TBC1D1: variants seen among roughly 807,000 people sequenced by gnomAD.
TBC1D1 encodes the protein TBC1 (tre-2/USP6, BUB2, cdc16) domain family, member 1.
Under a neutral mutation model 125.6 loss-of-function variants are expected in TBC1D1, and 89 were observed. The ratio of observed to expected loss-of-function variants is 0.71; its 90% confidence interval spans 0.60 to 0.85. The LOEUF (loss-of-function observed/expected upper bound fraction) is 0.85, where lower values mean the gene tolerates loss of function less well. TBC1D1 is among the 40% of genes least tolerant of loss of function. The pLI is 0.00. For synonymous variants in TBC1D1, 565 were observed against 564.1 expected (o/e 1.00, Z -0.02); for missense variants, 1,377 against 1,469.2 (o/e 0.94, Z 1.03).
At chr4:38,118,708 G>A (rs184769363) in intron 17 of TBC1D1, 1 of 152,916 alleles carries the variant, frequency 6.5e-6, no homozygotes, top group African/African-American at 2.4e-5. Context: ...ACCTCCGTGT[G>A]GATGGCTCGC....
chr4:38,047,091 C>T (rs1749636390), intron 10 of TBC1D1, among the ~76,000 whole-genome samples: 2 of 152,334 alleles, frequency 1.3e-5, no homozygotes, highest in South Asian at 4.1e-4. Context: ...ACAATATTTA[C>T]TGTGAACAAC....
chr4:38,107,342 G>A (rs997525683), intron 15 of TBC1D1, among the ~76,000 whole-genome samples: 2 of 152,212 alleles, frequency 1.3e-5, no homozygotes, highest in African/African-American at 4.8e-5. Context: ...CTGTGGCCAA[G>A]TCAGTTGTTT....
intron 8 of TBC1D1, among the ~76,000 whole-genome samples, chr4:38,043,922 C>G (rs1010917515): frequency 1.3e-5 from 2 of 152,196 alleles, no homozygotes; most frequent in Non-Finnish European, 2.9e-5. Flanking sequence ...ATGATAGCTA[C>G]CTTTCTACCA....
chr4:38,038,623 C>T (rs1747672730), intron 8 of TBC1D1, among the ~76,000 whole-genome samples: 1 of 152,170 alleles, frequency 6.6e-6, no homozygotes, highest in Admixed American at 6.5e-5. Context: ...CTGCTACATT[C>T]AGGTAGCTCA....
chr4:37,994,788 G>T (rs1304225155), intron 2 of TBC1D1, among the ~76,000 whole-genome samples: 1 of 152,152 alleles, frequency 6.6e-6, no homozygotes, highest in African/African-American at 2.4e-5. Context: ...TTCTCCTAAT[G>T]CCCTAGGCTT....
At chr4:38,030,786 A>G (rs1745973633) in intron 7 of TBC1D1, among the ~76,000 whole-genome samples, 1 of 152,232 alleles carries the variant, frequency 6.6e-6, no homozygotes, top group Non-Finnish European at 1.5e-5. Context: ...AAATTTTCAT[A>G]AGGGAAATGT....
chr4:38,063,565 A>G (rs1008701142), intron 12 of TBC1D1, among the ~76,000 whole-genome samples: 26 of 152,234 alleles, frequency 1.7e-4, no homozygotes, highest in East Asian at 5.8e-4. Flanking sequence ...GTACAATTCA[A>G]TGTTGTGAGG....
At chr4:37,898,088 G>A (rs548926740) in intron 1 of TBC1D1, among the ~76,000 whole-genome samples, 44 of 152,268 alleles carry the variant, frequency 2.9e-4, no homozygotes, top group Non-Finnish European at 5.3e-4. Context: ...TTAGCATTGT[G>A]CATATATATT....
At chr4:38,118,228 T>G in intron 17 of TBC1D1, 36 bp downstream of exon 19, 2 of 1,609,894 alleles carry the variant, frequency 1.2e-6, no homozygotes, top group South Asian at 1.1e-5. Context: ...AGAACCAGCC[T>G]TCTCTTATTA....
chr4:38,063,358 GC>G (rs144446557), intron 12 of TBC1D1, among the ~76,000 whole-genome samples: 6,639 of 152,212 alleles, frequency 0.044, 191 homozygotes, highest in South Asian at 0.082. Flanking sequence ...CACCCTGGGG[GC>G]CTATTTGCCT....
chr4:37,930,477 A>G (rs1577910885), intron 2 of TBC1D1, among the ~76,000 whole-genome samples: 2 of 149,838 alleles, frequency 1.3e-5, no homozygotes, highest in South Asian at 4.2e-4. Context: ...GTGAGCCATC[A>G]TGCCTGGCCA....
chr4:37,904,195 A>C (rs967222015), intron 2 of TBC1D1, among the ~76,000 whole-genome samples: 1 of 152,164 alleles, frequency 6.6e-6, no homozygotes, highest in African/African-American at 2.4e-5. Flanking sequence ...TATAGCCATA[A>C]AAACATTTTC....
intron 2 of TBC1D1, among the ~76,000 whole-genome samples, chr4:37,966,155 C>T (rs370782153): frequency 9.8e-5 from 15 of 152,294 alleles, no homozygotes; most frequent in African/African-American, 3.6e-4. Flanking sequence ...GAAACAGGTT[C>T]AGAGAATGTG....
intron 2 of TBC1D1, among the ~76,000 whole-genome samples, chr4:37,916,453 G>A (rs759472647): frequency 6.6e-6 from 1 of 152,106 alleles, no homozygotes; most frequent in Non-Finnish European, 1.5e-5. Flanking sequence ...TGAAGCAGGG[G>A]GAAAGGAAGG....
chr4:37,958,380 CA>C (rs1323190452), intron 2 of TBC1D1, among the ~76,000 whole-genome samples: 1 of 152,180 alleles, frequency 6.6e-6, no homozygotes, highest in Non-Finnish European at 1.5e-5. Context: ...ATTTTTGTTC[CA>C]AGATGGTGTA....
intron 14 of TBC1D1, among the ~76,000 whole-genome samples, chr4:38,097,009 C>A (rs1348546784): frequency 6.6e-6 from 1 of 152,112 alleles, no homozygotes; most frequent in East Asian, 1.9e-4. Context: ...TGTCTTCTGG[C>A]AAGAGTAAAA....
intron 8 of TBC1D1, among the ~76,000 whole-genome samples, chr4:38,042,413 C>A (rs1221287781): frequency 1.3e-5 from 2 of 151,884 alleles, no homozygotes; most frequent in African/African-American, 2.4e-5. Flanking sequence ...CACCACCACA[C>A]CTGGCTAATT....
At chr4:37,900,636 G>C (rs998643182) in intron 1 of TBC1D1, among the ~76,000 whole-genome samples, 3 of 152,100 alleles carry the variant, frequency 2.0e-5, no homozygotes, top group Non-Finnish European at 4.4e-5. Flanking sequence ...CAGGGAGCTG[G>C]ATACAGGAGA....
intron 12 of TBC1D1, among the ~76,000 whole-genome samples, chr4:38,067,911 A>C (rs1578526338): frequency 6.6e-6 from 1 of 151,742 alleles, no homozygotes; most frequent in Non-Finnish European, 1.5e-5. Context: ...CCAGGCTTTC[A>C]CCTCCAGGTA....
Sources: allele counts gnomAD v4.1 joint callset (sites outside exome capture counted in the v4.1 genomes callset), GRCh38; gene constraint gnomAD v4.1.1; transcripts MANE v1.5; gene names NCBI Gene and HGNC (gene_info 2026-07-23, HGNC 2026-07-21).